Variants in CCDC30 observed in about 807,000 individuals in gnomAD.
CCDC30 encodes the protein coiled-coil domain containing 30.
Under a neutral mutation model 100.2 loss-of-function variants are expected in CCDC30, and 70 were observed. The observed-to-expected ratio is 0.70, with a 90% CI of 0.58 to 0.85. The LOEUF (loss-of-function observed/expected upper bound fraction) is 0.85, where lower values mean the gene tolerates loss of function less well. Ranked by LOEUF, CCDC30 falls within the 40% of genes least tolerant of loss-of-function variation. The probability of loss-of-function intolerance (pLI) is 0.00; values close to 1 mark genes in which losing one functional copy is unlikely to be tolerated. For synonymous variants in CCDC30, 233 were observed against 269.5 expected (o/e 0.86, Z 1.33); for missense variants, 652 against 771.2 (o/e 0.85, Z 1.83).
At chr1:42,535,625 C>T (rs1439156715) in intron 6 of CCDC30, among the ~76,000 whole-genome samples, 3 of 103,224 alleles carry the variant, frequency 2.9e-5, no homozygotes, top group Non-Finnish European at 5.7e-5. Context: ...TTTGGGAGGC[C>T]GAGGTGAGTG....
At position 42,496,817 on chromosome 1, in the gene CCDC30, C is replaced by A. The variant is rs574957922; in HGVS notation, c.242-281C>A. Among the ~76,000 whole-genome samples the A allele has an allele frequency of 2.3e-4, 35 of 152,218 alleles. 1 individual carries two copies. The highest frequency in any genetic ancestry group is 1.6e-3 in the Admixed American group (24 of 15,290). On this transcript the variant is annotated intron_variant, in intron 4 of 16. Transcript: ENST00000668663. ...TTTAAAATTCTAGGTCCTAGAAGAACCTCTATTGCTGCAAACCCTACACTC... is the reference window on the plus strand; with the variant it reads ...TTTAAAATTCTAGGTCCTAGAAGAAACTCTATTGCTGCAAACCCTACACTC...
chr1:42,457,022 G>T, the CCDC30 span: 1 of 1,601,980 alleles, frequency 6.2e-7, no homozygotes. Flanking sequence ...CACCACTTTG[G>T]CGGACTATTT....
chr1:42,580,856 T>C (rs1026862442), intron 8 of CCDC30: 14 of 456,138 alleles, frequency 3.1e-5, no homozygotes, highest in African/African-American at 2.2e-4. Context: ...CTAGCCACAC[T>C]GTGGAGAAAC....
chr1:42,460,838 C>T (rs1643391758), upstream of CCDC30, among the ~76,000 whole-genome samples: 3 of 152,214 alleles, frequency 2.0e-5, no homozygotes, highest in Admixed American at 6.5e-5. Flanking sequence ...AAAAAGAAAG[C>T]ATCAGTCTGG....
At chr1:42,501,837 C>T (rs544916419) in intron 6 of CCDC30, among the ~76,000 whole-genome samples, 2 of 152,230 alleles carry the variant, frequency 1.3e-5, no homozygotes, top group Non-Finnish European at 2.9e-5. Flanking sequence ...GAGGGGCACC[C>T]GGCCATATGA....
rs571339179 is a variant in CCDC30 at position 42,564,223 on chromosome 1, A to G, written c.457-2073A>G. Among the ~76,000 whole-genome samples, 10 of 152,330 alleles carry G rather than the reference A, an allele frequency of 6.6e-5. No homozygotes were observed. The East Asian group carries it at 1.9e-3, about 29-fold the overall frequency. On this transcript the variant is annotated intron_variant, in intron 6 of 16. Coordinates refer to ENST00000668663, the Ensembl canonical transcript of CCDC30. Reference sequence around the variant, plus strand: ...CTACTTGTGCCTACCTTTGTAGAAAATCCAAATGACTATTCTCTTATTTCA... The same window carrying G: ...CTACTTGTGCCTACCTTTGTAGAAAGTCCAAATGACTATTCTCTTATTTCA...
intron 1 of CCDC30, among the ~76,000 whole-genome samples, chr1:42,478,480 C>T (rs565058342): frequency 1.2e-3 from 190 of 152,200 alleles, no homozygotes; most frequent in Admixed American, 2.1e-3. Context: ...ATTCTCTGGC[C>T]GTGCACGGTG....
At chr1:42,534,507 T>C (rs1451434830) in intron 6 of CCDC30, among the ~76,000 whole-genome samples, 4 of 152,266 alleles carry the variant, frequency 2.6e-5, no homozygotes, top group Non-Finnish European at 5.9e-5. Flanking sequence ...GGAGGAATTA[T>C]AAAAGTTACA....
intron 6 of CCDC30, among the ~76,000 whole-genome samples, chr1:42,511,979 A>G (rs1435609641): frequency 6.6e-6 from 1 of 152,236 alleles, no homozygotes; most frequent in Non-Finnish European, 1.5e-5. Flanking sequence ...ATTTACCCAC[A>G]TATTTATTGA....
the CCDC30 span, chr1:42,456,958 T>C: frequency 1.9e-6 from 3 of 1,604,672 alleles, no homozygotes; most frequent in African/African-American, 2.7e-5. Context: ...TTGCTGAGGC[T>C]CTGAGGAGCT....
chr1:42,520,936 C>T lies in CCDC30; in HGVS notation c.456+22020C>T, dbSNP rs547576218. On this transcript the variant is annotated intron_variant, in intron 6 of 16. Transcript: ENST00000668663. The stretch of plus-strand genomic sequence containing the variant: ...TGCTGGGATTACAGGCGTGAGCCAC[C>T]GCACCCAGCCCCCAGCCTCATCTTT... 2.2e-4 allele frequency among the ~76,000 whole-genome samples: 33 copies of T among 150,904 alleles called. No homozygotes were observed. The South Asian group carries it at 2.3e-3, about 11-fold the overall frequency.
At chr1:42,555,567 A>G (rs1481637490) in intron 6 of CCDC30, among the ~76,000 whole-genome samples, 3 of 152,234 alleles carry the variant, frequency 2.0e-5, no homozygotes, top group South Asian at 2.1e-4. Context: ...GCTCAATGCC[A>G]TACTAAAAGT....
upstream of CCDC30, chr1:42,459,498 TG>T: frequency 5.1e-6 from 5 of 980,224 alleles, no homozygotes; most frequent in Non-Finnish European, 7.6e-6. Context: ...AAAAGTTTGA[TG>T]GTTGAGAAAT....
chr1:42,569,074 C>A (rs1376506343), intron 7 of CCDC30: 1 of 151,942 alleles, frequency 6.6e-6, no homozygotes, highest in South Asian at 2.1e-4. Context: ...TGGAATGATA[C>A]AGAGAAGATT....
At chr1:42,491,092 A>G (rs1056737425) in intron 4 of CCDC30, among the ~76,000 whole-genome samples, 3 of 152,204 alleles carry the variant, frequency 2.0e-5, no homozygotes, top group Non-Finnish European at 4.4e-5. Flanking sequence ...AAAACTACAC[A>G]TAGCCTCCTT....
exon 17 of CCDC30, chr1:42,653,911 T>G: frequency 6.2e-7 from 1 of 1,614,060 alleles, no homozygotes; most frequent in Non-Finnish European, 8.5e-7. Flanking sequence ...CAAAGTCCCC[T>G]GAAAAGTCTC....
In CCDC30 at chr1:42,491,033, C is replaced by T. The variant is rs150688002; in HGVS notation, c.241+804C>T. On this transcript the variant is annotated intron_variant, in intron 4 of 16. Coordinates refer to ENST00000668663, the Ensembl canonical transcript of CCDC30. ...ATATAATGAAATTTGACTATTTTAACGGTAACAGCTAAAAAATTTTTAAAT... is the reference window on the plus strand; with the variant it reads ...ATATAATGAAATTTGACTATTTTAATGGTAACAGCTAAAAAATTTTTAAAT... Among the ~76,000 whole-genome samples, 1,110 of 152,242 alleles carry T rather than the reference C, an allele frequency of 7.3e-3. 7 individuals carry two copies. The highest frequency in any genetic ancestry group is 8.8e-3 in the Non-Finnish European group (599 of 68,006).
In CCDC30 at chr1:42,615,274, A is replaced by G. The variant is rs139038796; in HGVS notation, c.1277+4184A>G. 4.6e-3 allele frequency among the ~76,000 whole-genome samples: 705 copies of G among 152,150 alleles called. 7 individuals carry two copies. Among genetic ancestry groups the G allele is most frequent in the African/African-American group, 0.016 (668 of 41,508 alleles). On this transcript the variant is annotated intron_variant, in intron 11 of 16. Transcript: ENST00000668663. ...GGTTGCTGGAATTTGTGTCTGAAAA[A>G]CATCTTAAGCAACTCCTTTGGTTTG... is the stretch of plus-strand genomic sequence containing the variant.
chr1:42,580,670 C>T (rs1367752877), intron 8 of CCDC30, among the ~76,000 whole-genome samples: 1 of 152,106 alleles, frequency 6.6e-6, no homozygotes, highest in African/African-American at 2.4e-5. Flanking sequence ...TTTTAAATGA[C>T]ACTTTAAATC....
Sources: gnomAD v4.1 joint callset for allele counts (sites outside exome capture counted in the v4.1 genomes callset) on GRCh38, gnomAD v4.1.1 for gene constraint, MANE v1.5 for transcripts, NCBI Gene and HGNC (gene_info 2026-07-23, HGNC 2026-07-21) for gene names.